ZZEF1: variants seen among roughly 807,000 people sequenced by gnomAD.
The protein encoded by ZZEF1 is zinc finger ZZ-type and EF-hand domain-containing protein 1.
ZZEF1 carries 157 observed loss-of-function variants against 342.8 expected under a neutral mutation model. That is an observed-to-expected ratio of 0.46 (90% confidence interval 0.40 to 0.52). The LOEUF is 0.52. Ranked by LOEUF, ZZEF1 falls within the 20% of genes least tolerant of loss-of-function variation. The pLI, the probability that ZZEF1 is intolerant of heterozygous loss-of-function variation, is 0.00. For synonymous variants in ZZEF1, 1,505 were observed against 1,429.1 expected, an observed-to-expected ratio of 1.05 and a Z score of -1.20; for missense variants, 3,480 against 3,725.6, an observed-to-expected ratio of 0.93 and a Z score of 1.72.
chr17:4,023,677 A>AAAAAT (rs1385038970), intron 43 of ZZEF1, among the ~76,000 whole-genome samples: 1 of 151,276 alleles, frequency 6.6e-6, no homozygotes, highest in African/African-American at 2.4e-5. Context: ...AAAAAAAAAA[A>AAAAAT]ATTAACTGGG....
chr17:4,009,493 C>T (rs780816506), intron 53 of ZZEF1, 111 bp downstream of exon 53: 19 of 1,471,442 alleles, frequency 1.3e-5, no homozygotes, highest in Middle Eastern at 3.9e-4. Context: ...TGTGGCCTGT[C>T]GAGACCCTGG....
chr17:4,110,439 A>G (rs1161185847), intron 5 of ZZEF1, among the ~76,000 whole-genome samples: 3 of 152,196 alleles, frequency 2.0e-5, no homozygotes, highest in African/African-American at 7.2e-5. Context: ...CCACAGGCCT[A>G]ACTACTTATT....
rs2058493264 is a variant in ZZEF1 at position 4,122,126 on chromosome 17, T to G, written c.499+1781A>C. Among the ~76,000 whole-genome samples, 2 of 152,200 alleles carry G rather than the reference T, an allele frequency of 1.3e-5. 1 individual carries two copies. Among genetic ancestry groups the G allele is most frequent in the South Asian group, 4.1e-4 (2 of 4,826 alleles). Reference sequence around the variant, plus strand: ...AAGAGCAATCAGATTTACATTTATGTGTCTATCAAATCTATTTTGCCTCCA... The same window carrying G: ...AAGAGCAATCAGATTTACATTTATGGGTCTATCAAATCTATTTTGCCTCCA... On this transcript the variant is annotated intron_variant, in intron 2 of 54. Coordinates refer to ENST00000381638, the MANE Select transcript of ZZEF1 (RefSeq NM_015113.4).
At chr17:4,037,859 G>A (rs1328215905) in intron 39 of ZZEF1, among the ~76,000 whole-genome samples, 3 of 152,202 alleles carry the variant, frequency 2.0e-5, no homozygotes, top group African/African-American at 4.8e-5. Context: ...TGGGATTACA[G>A]ATTCAAGGCA....
Position 4,087,641 on chromosome 17 carries a change from T to C in ZZEF1, c.2242-107A>G, listed in dbSNP as rs2057857942. 4 of 930,650 alleles carry C rather than the reference T, an allele frequency of 4.3e-6. No homozygotes were observed. The South Asian group carries it at 7.1e-5, about 16-fold the overall frequency. 57.6% of individuals were successfully genotyped at this position (930,650 alleles called of 1,614,324 possible). On this transcript the variant is annotated intron_variant, in intron 13 of 54. Transcript: ENST00000381638. ...TGTAAAGGGATGAGGTGGCTCTACA[T>C]GAGTGAGACTTTCATATTACTGATG...
intron 30 of ZZEF1, among the ~76,000 whole-genome samples, chr17:4,060,339 CG>C (rs755640059): frequency 7.1e-4 from 108 of 152,170 alleles, no homozygotes; most frequent in South Asian, 2.5e-3. Context: ...CTGAGCCGGG[CG>C]GATCAATTGA....
intron 54 of ZZEF1, among the ~76,000 whole-genome samples, chr17:4,007,935 C>T (rs1215479071): frequency 6.6e-6 from 1 of 151,860 alleles, no homozygotes; most frequent in African/African-American, 2.4e-5. Context: ...CTGTGAGCCT[C>T]AGTGTCCCTA....
intron 46 of ZZEF1, among the ~76,000 whole-genome samples, chr17:4,018,397 A>C (rs2056173776): frequency 1.3e-5 from 2 of 151,888 alleles, no homozygotes; most frequent in South Asian, 4.1e-4. Flanking sequence ...TTACAGGCTC[A>C]TACCACCATG....
chr17:4,058,162 G>A lies in ZZEF1; in HGVS notation c.5004-7C>T, dbSNP rs1272438886. On this transcript the variant is annotated splice_region_variant and splice_polypyrimidine_tract_variant and intron_variant, in intron 31 of 54. Transcript: ENST00000381638. ...TAAGGCAGGGAGCAAGGACCTAAAG[G>A]GCCATGAAAGTGACCATTAGCAGAG... 1.2e-6 allele frequency: 2 copies of A among 1,608,968 alleles called. No homozygotes were observed. The highest frequency in any genetic ancestry group is 3.3e-4 in the Middle Eastern group (2 of 6,026).
At chr17:4,024,194 T>G (rs8073404) in intron 43 of ZZEF1, among the ~76,000 whole-genome samples, 15 of 131,206 alleles carry the variant, frequency 1.1e-4, no homozygotes, top group African/African-American at 1.6e-4. Flanking sequence ...AGGTTTTTTT[T>G]TTTTTTTTTT....
At chr17:4,059,144 T>C in intron 31 of ZZEF1, 27 bp downstream of exon 31, 1 of 1,531,652 alleles carries the variant, frequency 6.5e-7, no homozygotes, top group Non-Finnish European at 8.7e-7. Context: ...ATTTTTTTTC[T>C]CTAGAAATGA....
Position 4,074,981 on chromosome 17 carries a change from A to C in ZZEF1, c.3483+116T>G. 1.3e-5 allele frequency: 14 copies of C among 1,056,506 alleles called. No individual in the cohort carries two copies. In the South Asian group the frequency reaches 2.0e-4, roughly 15 times the overall value. The allele number at this position is 1,056,506 out of a possible 1,614,324, so 65.4% of individuals were successfully genotyped here. On this transcript the variant is annotated intron_variant, in intron 23 of 54. Coordinates refer to ENST00000381638, the MANE Select transcript of ZZEF1 (RefSeq NM_015113.4). ...TCTGATATAAATCCTTCCTTTCACA[A>C]ACGTGTAACATAAATGCCTCCCTTC...
chr17:4,035,678 A>C (rs17175983), intron 39 of ZZEF1, among the ~76,000 whole-genome samples: 3,454 of 152,324 alleles, frequency 0.023, 79 homozygotes, highest in Admixed American at 0.063. Context: ...CTGCGCGGGG[A>C]GTTCACCCTC....
intron 42 of ZZEF1, among the ~76,000 whole-genome samples, 164 bp downstream of exon 42, chr17:4,031,962 T>C (rs2056558382): frequency 6.6e-6 from 1 of 152,100 alleles, no homozygotes; most frequent in Admixed American, 6.5e-5. Flanking sequence ...CCCAATTCAA[T>C]ACATCATTTC....
At chr17:4,060,823 T>C (rs2057272112) in intron 30 of ZZEF1, among the ~76,000 whole-genome samples, 1 of 152,252 alleles carries the variant, frequency 6.6e-6, no homozygotes. Context: ...CCGTGTGTCC[T>C]ATTTCCTCAC....
Position 4,095,774 on chromosome 17 carries a change from C to T in ZZEF1, c.1913+57G>A. ...ATGAGCATGAATACATTCTTATTAA[C>T]TACAAAGATTTTTGTTCTGTAGATC... On this transcript the variant is annotated intron_variant, in intron 11 of 54. Transcript: ENST00000381638. 3 of 1,530,654 alleles carry T rather than the reference C, an allele frequency of 2.0e-6. No homozygotes were observed. In the Admixed American group the frequency reaches 6.0e-5, roughly 31 times the overall value. 94.8% of individuals were successfully genotyped at this position (1,530,654 alleles called of 1,614,324 possible).
In ZZEF1 at chr17:4,052,108, G is replaced by C; in HGVS notation, c.5463C>G (p.Asp1821Glu). Residue 1821 changes from aspartate (D) to glutamate (E), a missense_variant, in exon 35 of 55, where the codon GAC becomes GAG. Coordinates refer to ENST00000381638, the MANE Select transcript of ZZEF1 (RefSeq NM_015113.4). ...LGGVKPEGHGDDHEMVNMEFT... is the reference protein window; with the variant it reads ...LGGVKPEGHGEDHEMVNMEFT... ...ACTCCATGTTGACCATTTCATGGTC[G>C]TCTCCGTGGCCCTCAGGCTTCACCC... The C allele has an allele frequency of 6.2e-7, 1 of 1,613,728 alleles. No individual in the cohort carries two copies. Among genetic ancestry groups the C allele is most frequent in the African/African-American group, 1.3e-5 (1 of 75,012 alleles).
Position 4,109,786 on chromosome 17 carries a change from G to C in ZZEF1, c.1144C>G (p.Gln382Glu), listed in dbSNP as rs1429226548. The change falls in exon 6 of 55, where the codon CAG (glutamine) becomes GAG (glutamate). Residue 382 changes from glutamine to glutamate, a missense_variant. By Grantham distance (29) the Gln-to-Glu change is conservative. Transcript: ENST00000381638. ...RIHGLRAVGF[Q>E]RVKKSGVSVS... ...GAGACCCCAGACTTCTTAACTCTCT[G>C]AAAGCCAACAGCCCTGAGACCATGA... 29 of 1,614,064 alleles carry C rather than the reference G, an allele frequency of 1.8e-5. No individual in the cohort carries two copies. Among genetic ancestry groups the C allele is most frequent in the Non-Finnish European group, 2.5e-5 (29 of 1,180,038 alleles).
rs1030149057 is a variant in ZZEF1 at position 4,004,732 on chromosome 17, G to C, written c.*2158C>G. 1.3e-5 allele frequency: 2 copies of C among 152,416 alleles called. No homozygotes were observed. The highest frequency in any genetic ancestry group is 1.3e-4 in the Admixed American group (2 of 15,308). The allele number at this position is 152,416 out of a possible 1,614,324, so 9.4% of individuals were successfully genotyped here. A position where few individuals can be genotyped will look rare whatever the true frequency, so the allele number is the denominator to read the frequency against. On this transcript the variant is annotated 3_prime_UTR_variant, in exon 55 of 55. Transcript: ENST00000381638. ...ACGTGTTTCCACCTTTGCTCTGCGG[G>C]CTTCGCCTCCTCCGGGCCTGGGGCT...
Sources: allele counts gnomAD v4.1 joint callset (sites outside exome capture counted in the v4.1 genomes callset), GRCh38; gene constraint gnomAD v4.1.1; transcripts MANE v1.5; gene names NCBI Gene and HGNC (gene_info 2026-07-23, HGNC 2026-07-21).